ADAMTS16: variants seen among roughly 807,000 people sequenced by gnomAD.
ADAMTS16 encodes ADAM metallopeptidase with thrombospondin type 1 motif 16, also known as A disintegrin and metalloproteinase with thrombospondin motifs 16.
ADAMTS16 carries 94 observed loss-of-function variants against 145.8 expected under a neutral mutation model. That is an observed-to-expected ratio of 0.64 (90% CI 0.55 to 0.77). The LOEUF (loss-of-function observed/expected upper bound fraction) is 0.77. Ranked by LOEUF, ADAMTS16 falls within the 30% of genes least tolerant of loss-of-function variation. The pLI is 0.00. For synonymous variants in ADAMTS16, 659 were observed against 604.3 expected (o/e 1.09, Z -1.33); for missense variants, 1,585 against 1,591.5 (o/e 1.00, Z 0.07).
chr5:5,288,333 T>C lies in ADAMTS16; in HGVS notation c.2790-14935T>C, dbSNP rs139273879. ...AAGAAAAATGAACCTATGTTACTCA[T>C]GAAATGTTTAAATTCATGTTAGACA... On this transcript the variant is annotated intron_variant, in intron 18 of 22. Transcript: ENST00000274181. Among the ~76,000 whole-genome samples the C allele has an allele frequency of 5.8e-3, 890 of 152,304 alleles. 38 individuals are homozygous for C. Among genetic ancestry groups the C allele is most frequent in the Admixed American group, 0.055 (846 of 15,294 alleles).
intron 3 of ADAMTS16, among the ~76,000 whole-genome samples, chr5:5,156,125 T>C (rs1344843481): frequency 3.3e-5 from 5 of 152,102 alleles, no homozygotes; most frequent in East Asian, 1.9e-4. Context: ...TGGATGTGAA[T>C]AGAGAGCAGG....
chr5:5,301,029 C>T (rs1201658751), intron 18 of ADAMTS16, among the ~76,000 whole-genome samples: 1 of 152,112 alleles, frequency 6.6e-6, no homozygotes, highest in East Asian at 1.9e-4. Flanking sequence ...ATAAGAAAAA[C>T]ACTTGTTTTG....
rs1738394472 is a variant in ADAMTS16 at position 5,269,771 on chromosome 5, T to C, written c.2789+6988T>C. The stretch of plus-strand genomic sequence containing the variant: ...GCTTGGTCTTTCTGGTATTGAGAGA[T>C]TTGGAGCTGAAGACATCCCTGCGTT... On this transcript the variant is annotated intron_variant, in intron 18 of 22. Coordinates refer to ENST00000274181, the MANE Select transcript of ADAMTS16 (RefSeq NM_139056.4). The surrounding 1 kb of genome is among the most constrained non-coding windows in gnomAD (Gnocchi z 4.3). Among the ~76,000 whole-genome samples, 1 of 152,200 alleles carries C rather than the reference T, an allele frequency of 6.6e-6. No individual in the cohort carries two copies. Among genetic ancestry groups the C allele is most frequent in the South Asian group, 2.1e-4 (1 of 4,828 alleles).
intron 18 of ADAMTS16, among the ~76,000 whole-genome samples, chr5:5,297,832 C>T (rs1231819379): frequency 1.3e-5 from 2 of 152,212 alleles, no homozygotes; most frequent in Admixed American, 1.3e-4. Context: ...GAGGTGAAAA[C>T]AATTCAGTGT....
chr5:5,291,411 G>A (rs1398244098), intron 18 of ADAMTS16, among the ~76,000 whole-genome samples: 1 of 152,156 alleles, frequency 6.6e-6, no homozygotes, highest in African/African-American at 2.4e-5. Context: ...GGGACAGGAT[G>A]AGGAAGAGAC....
rs760766120 is a variant in ADAMTS16 at position 5,209,113 on chromosome 5, T to C, written c.1472T>C (p.Leu491Pro). The change falls in exon 10 of 23, where the codon CTT becomes CCT. Residue 491 changes from leucine to proline, a missense_variant. By Grantham distance (98) the Leu-to-Pro change is moderately conservative. Coordinates refer to ENST00000274181, the MANE Select transcript of ADAMTS16 (RefSeq NM_139056.4). ...KFLSTAQAIC[L>P]ADQPKPVKEY... is the part of the protein sequence containing the mutation. The stretch of plus-strand genomic sequence containing the variant: ...TTCAGCACCGCTCAAGCTATCTGCC[T>C]TGCTGATCAGCCAAAGCCTGTGAAG... 1 of 1,613,866 alleles carries C rather than the reference T, an allele frequency of 6.2e-7. No individual in the cohort carries two copies. Among genetic ancestry groups the C allele is most frequent in the East Asian group, 2.2e-5 (1 of 44,874 alleles).
intron 18 of ADAMTS16, among the ~76,000 whole-genome samples, chr5:5,263,120 C>T (rs1477153318): frequency 6.6e-6 from 1 of 152,214 alleles, no homozygotes; most frequent in Non-Finnish European, 1.5e-5. Flanking sequence ...CTAGTGTGTG[C>T]TTTTCTTGCT....
At chr5:5,284,296 T>C (rs1739034291) in intron 18 of ADAMTS16, among the ~76,000 whole-genome samples, 1 of 152,246 alleles carries the variant, frequency 6.6e-6, no homozygotes, top group Non-Finnish European at 1.5e-5. Context: ...CTCATTTCAG[T>C]TCAAGCTCCA....
Position 5,250,740 on chromosome 5 carries a change from C to T in ADAMTS16, c.2662+8549C>T, listed in dbSNP as rs74385699. ...GTGTGTGTGTGTGTGTGTGTGTGCG[C>T]GCACTCCTGGAGAGGCACAGAGATG... On this transcript the variant is annotated intron_variant, in intron 17 of 22. Transcript: ENST00000274181. 5.1e-3 allele frequency among the ~76,000 whole-genome samples: 365 copies of T among 71,786 alleles called. 6 individuals are homozygous for T. The East Asian group carries it at 0.15, about 29-fold the overall frequency. The allele number at this position is 71,786 out of a possible 152,430, so 47.1% of individuals were successfully genotyped here.
chr5:5,261,367 G>T (rs1738014330), intron 17 of ADAMTS16, among the ~76,000 whole-genome samples: 1 of 152,058 alleles, frequency 6.6e-6, no homozygotes, highest in Non-Finnish European at 1.5e-5. Context: ...CAAACTCCTG[G>T]ACTCAAGCGA....
chr5:5,312,451 T>TA (rs997142863), intron 21 of ADAMTS16, among the ~76,000 whole-genome samples: 13 of 149,968 alleles, frequency 8.7e-5, no homozygotes, highest in South Asian at 2.1e-4. Context: ...TGTTGTTATT[T>TA]TTTTTTTTTT....
intron 9 of ADAMTS16, among the ~76,000 whole-genome samples, chr5:5,202,764 G>A (rs1368081691): frequency 6.6e-6 from 1 of 152,030 alleles, no homozygotes; most frequent in East Asian, 1.9e-4. Flanking sequence ...AATATCCTCT[G>A]ACAACTGAAA....
At chr5:5,248,939 G>A (rs1407942439) in intron 17 of ADAMTS16, among the ~76,000 whole-genome samples, 4 of 152,208 alleles carry the variant, frequency 2.6e-5, no homozygotes, top group South Asian at 2.1e-4. Flanking sequence ...CCAAAAGGAC[G>A]TATCTGTCTA....
intron 8 of ADAMTS16, among the ~76,000 whole-genome samples, chr5:5,192,024 A>G (rs1251861796): frequency 6.6e-6 from 1 of 152,164 alleles, no homozygotes. Flanking sequence ...CACTCTGTCA[A>G]TCAGGCTGGA....
In ADAMTS16 at chr5:5,318,193, C is replaced by A; in HGVS notation, c.3471C>A (p.Gly1157=). The A allele has an allele frequency of 6.4e-7, 1 of 1,561,436 alleles. No homozygotes were observed. The highest frequency in any genetic ancestry group is 8.7e-7 in the Non-Finnish European group (1 of 1,149,140). Residue 1157 remains glycine (G), a synonymous_variant, in exon 22 of 23, where the codon GGC becomes GGA. Coordinates refer to ENST00000274181, the MANE Select transcript of ADAMTS16 (RefSeq NM_139056.4). ...GGTCCGTGCAGTGCCTGGCTGGGGG[C>A]CGGCCGGCCTCAGGCTGCCTCCTGC... The part of the protein sequence containing the change: ...QTRSVQCLAG[G]RPASGCLLHQ...
chr5:5,239,582 G>T, intron 15 of ADAMTS16, 99 bp from the exon 16 acceptor site: 1 of 1,511,400 alleles, frequency 6.6e-7, no homozygotes, highest in South Asian at 1.3e-5. Flanking sequence ...TCCAAATGTG[G>T]ATTCTCAGGT....
chr5:5,191,858 A>T, intron 8 of ADAMTS16, 68 bp downstream of exon 8: 1 of 1,198,540 alleles, frequency 8.3e-7, no homozygotes. Flanking sequence ...CCATGGAAAT[A>T]TTGACTCATC....
chr5:5,305,499 C>T (rs1009274794), intron 20 of ADAMTS16, among the ~76,000 whole-genome samples: 5 of 143,728 alleles, frequency 3.5e-5, no homozygotes, highest in Admixed American at 1.4e-4. Context: ...AATCCCACAC[C>T]ACACACACAT....
intron 3 of ADAMTS16, among the ~76,000 whole-genome samples, chr5:5,169,932 G>A (rs1453314182): frequency 6.6e-6 from 1 of 152,020 alleles, no homozygotes; most frequent in African/African-American, 2.4e-5. Context: ...CTAAATATTG[G>A]GTCATTTTCT....
Sources: allele counts gnomAD v4.1 joint callset (sites outside exome capture counted in the v4.1 genomes callset), GRCh38; gene constraint gnomAD v4.1.1; non-coding constraint Gnocchi (gnomAD v3.1); transcripts MANE v1.5; gene names NCBI Gene and HGNC (gene_info 2026-07-23, HGNC 2026-07-21).